The following RRP1B variants were observed in gnomAD, a reference collection of about 807,000 sequenced individuals.
The protein encoded by RRP1B is ribosomal RNA processing protein 1 homolog B.
In RRP1B, 56 loss-of-function variants were observed where a neutral mutation model predicts 80.2. The observed-to-expected ratio is 0.70, with a 90% CI of 0.56 to 0.87. RRP1B has a LOEUF of 0.87. RRP1B is among the 40% of genes least tolerant of loss of function. The pLI is 0.00. For missense variants in RRP1B, 807 were observed against 939.8 expected, an observed-to-expected ratio of 0.86 and a Z score of 1.85; for synonymous variants, 351 against 357.6, an observed-to-expected ratio of 0.98 and a Z score of 0.21.
chr21:43,669,854 C>CT lies in RRP1B; in HGVS notation c.131-29dup, dbSNP rs767594509. The CT allele has an allele frequency of 3.3e-6, 5 of 1,528,514 alleles. No homozygotes were observed. The African/African-American group carries it at 4.1e-5, about 13-fold the overall frequency. The allele number at this position is 1,528,514 out of a possible 1,614,324, so 94.7% of individuals were successfully genotyped here. On this transcript the variant is annotated intron_variant, in intron 1 of 15. Transcript: ENST00000340648. ...CTTGAAGAAAAGAGATGCATAGACTCTAAGATGTTTGTATTGTTTTGCCTT... is the reference window on the plus strand; with the variant it reads ...CTTGAAGAAAAGAGATGCATAGACTCTTAAGATGTTTGTATTGTTTTGCCTT...
intron 2 of RRP1B, among the ~76,000 whole-genome samples, chr21:43,671,367 CTTT>C (rs1021875194): frequency 1.6e-5 from 2 of 128,752 alleles, no homozygotes; most frequent in Non-Finnish European, 3.3e-5. Context: ...ATGAAGTTTT[CTTT>C]TTTTTTTTTT....
At chr21:43,678,975 C>T (rs1202375853) in intron 8 of RRP1B, among the ~76,000 whole-genome samples, 1 of 152,180 alleles carries the variant, frequency 6.6e-6, no homozygotes, top group Non-Finnish European at 1.5e-5. Context: ...TTTCATTCTT[C>T]TTGACAATTA....
At chr21:43,666,244 T>A (rs1173328160) in intron 1 of RRP1B, among the ~76,000 whole-genome samples, 1 of 152,236 alleles carries the variant, frequency 6.6e-6, no homozygotes, top group Non-Finnish European at 1.5e-5. Flanking sequence ...AGCTCTCTCC[T>A]TACTGGACTT....
intron 1 of RRP1B, among the ~76,000 whole-genome samples, chr21:43,662,380 C>T (rs1434799455): frequency 1.3e-5 from 2 of 152,210 alleles, no homozygotes; most frequent in Non-Finnish European, 1.5e-5. Context: ...GCAGCATGAA[C>T]GTCGTGGACA....
intron 1 of RRP1B, among the ~76,000 whole-genome samples, chr21:43,666,174 A>G (rs1601751097): frequency 6.6e-6 from 1 of 152,366 alleles, no homozygotes. Context: ...GACAGGTTCA[A>G]GAAAAGCCAA....
At chr21:43,677,005 G>T in intron 8 of RRP1B, 91 bp downstream of exon 8, 4 of 1,281,296 alleles carry the variant, frequency 3.1e-6, no homozygotes, top group Non-Finnish European at 4.4e-6. Context: ...GCATCTTACT[G>T]AATGCAACCT....
At chr21:43,692,210 G>C (rs918697135) in intron 15 of RRP1B, among the ~76,000 whole-genome samples, 1 of 152,206 alleles carries the variant, frequency 6.6e-6, no homozygotes, top group African/African-American at 2.4e-5. Context: ...GGAACCACTT[G>C]CTTCTTGGGC....
intron 10 of RRP1B, 85 bp downstream of exon 10, chr21:43,684,735 CTT>C: frequency 9.2e-7 from 1 of 1,086,714 alleles, no homozygotes; most frequent in Non-Finnish European, 1.4e-6. Context: ...GCATGCTTAT[CTT>C]TTTTCTTTCT....
intron 12 of RRP1B, 124 bp downstream of exon 12, chr21:43,687,059 T>A: frequency 8.9e-7 from 1 of 1,117,654 alleles, no homozygotes; most frequent in Non-Finnish European, 1.3e-6. Context: ...AGCTTCAGTC[T>A]TTAATGGCTG....
At chr21:43,663,329 G>T (rs538115762) in intron 1 of RRP1B, among the ~76,000 whole-genome samples, 1 of 152,262 alleles carries the variant, frequency 6.6e-6, no homozygotes, top group African/African-American at 2.4e-5. Flanking sequence ...GCAACAGCGC[G>T]ATCTCTGCTA....
intron 8 of RRP1B, among the ~76,000 whole-genome samples, chr21:43,679,260 G>GT (rs941723311): frequency 6.6e-5 from 10 of 150,614 alleles, no homozygotes; most frequent in Non-Finnish European, 8.9e-5. Flanking sequence ...GGTGTTTTGG[G>GT]TTTTTTTTGG....
chr21:43,665,283 C>T (rs1208390476), intron 1 of RRP1B, among the ~76,000 whole-genome samples: 1 of 152,194 alleles, frequency 6.6e-6, no homozygotes, highest in Non-Finnish European at 1.5e-5. Flanking sequence ...AGGTCACACA[C>T]ACAACTGTGC....
At chr21:43,672,195 G>A (rs1164102361) in intron 2 of RRP1B, 113 bp from the exon 3 acceptor site, 2 of 818,480 alleles carry the variant, frequency 2.4e-6, no homozygotes, top group African/African-American at 3.4e-5. Context: ...GAAGTGACAA[G>A]AGGGGCAGAC....
intron 3 of RRP1B, among the ~76,000 whole-genome samples, chr21:43,673,450 A>G (rs911536107): frequency 4.6e-5 from 7 of 152,140 alleles, no homozygotes; most frequent in African/African-American, 1.7e-4. Flanking sequence ...CCTGGCCAAC[A>G]TGGTTAAACC....
intron 1 of RRP1B, among the ~76,000 whole-genome samples, chr21:43,665,228 T>TA (rs1259258146): frequency 6.6e-6 from 1 of 152,252 alleles, no homozygotes; most frequent in Non-Finnish European, 1.5e-5. Context: ...ATAAATATGC[T>TA]GTTTTTAAGT....
At chr21:43,680,374 A>G (rs1454224893) in intron 8 of RRP1B, among the ~76,000 whole-genome samples, 1 of 151,042 alleles carries the variant, frequency 6.6e-6, no homozygotes, top group Non-Finnish European at 1.5e-5. Context: ...CCTGACCAAC[A>G]TGCTCAAACC....
intron 1 of RRP1B, among the ~76,000 whole-genome samples, chr21:43,664,327 C>CAA (rs11351123): frequency 9.7e-6 from 1 of 103,350 alleles, no homozygotes; most frequent in Non-Finnish European, 2.0e-5. Context: ...AACTCCGTCT[C>CAA]AAAAAAAAAA....
intron 8 of RRP1B, among the ~76,000 whole-genome samples, chr21:43,678,321 A>C (rs1035870920): frequency 6.6e-6 from 1 of 152,132 alleles, no homozygotes; most frequent in African/African-American, 2.4e-5. Context: ...CACCAGGCCC[A>C]GCTAATTTTT....
chr21:43,669,205 G>A (rs926085159), intron 1 of RRP1B, among the ~76,000 whole-genome samples: 1 of 152,056 alleles, frequency 6.6e-6, no homozygotes, highest in South Asian at 2.1e-4. Flanking sequence ...CACCGTTGCA[G>A]GGAGGGTGAT....
Sources: gnomAD v4.1 joint callset for allele counts (sites outside exome capture counted in the v4.1 genomes callset) on GRCh38, gnomAD v4.1.1 for gene constraint, MANE v1.5 for transcripts, NCBI Gene and HGNC (gene_info 2026-07-23, HGNC 2026-07-21) for gene names.